TXNRD1: variants seen among roughly 807,000 people sequenced by gnomAD.
TXNRD1 encodes thioredoxin reductase 1, cytoplasmic.
Under a neutral mutation model 80.3 loss-of-function variants are expected in TXNRD1, and 57 were observed. The observed-to-expected ratio is 0.71, with a 90% confidence interval of 0.57 to 0.89. The LOEUF is 0.89. TXNRD1 is among the 40% of genes least tolerant of loss of function. The pLI is 0.00. For synonymous variants in TXNRD1, 291 were observed against 285.2 expected (o/e 1.02, Z -0.20); for missense variants, 730 against 803.0 (o/e 0.91, Z 1.10).
chr12:104,316,320 G>T (rs1258403474), intron 7 of TXNRD1, among the ~76,000 whole-genome samples: 1 of 151,990 alleles, frequency 6.6e-6, no homozygotes, highest in Non-Finnish European at 1.5e-5. Context: ...GGCTTTGTTG[G>T]ATTAAAACTA....
At chr12:104,242,421 G>A (rs1357405737) in intron 1 of TXNRD1, among the ~76,000 whole-genome samples, 7 of 151,874 alleles carry the variant, frequency 4.6e-5, no homozygotes, top group Middle Eastern at 3.4e-3. Context: ...GGTGGCGCAC[G>A]CCTGTAGTCC....
chr12:104,251,627 T>C lies in TXNRD1; in HGVS notation c.192T>C (p.Asp64=), dbSNP rs7975161. Residue 64 remains aspartate (D), a synonymous_variant, in exon 2 of 17, where the codon GAT becomes GAC. Transcript: ENST00000525566. ...GAGCCCTGCTTCAGGCCTATATAGA[T>C]GGTCACTCTGTGGTCATCTTCAGTA... ...DSRALLQAYI[D]GHSVVIFSRS... 1,351,162 of 1,613,594 alleles carry C rather than the reference T, an allele frequency of 0.84. 566,652 individuals carry two copies. The highest frequency in any genetic ancestry group is 0.9 in the East Asian group (40,221 of 44,878).
intron 1 of TXNRD1, among the ~76,000 whole-genome samples, chr12:104,241,017 A>G (rs140996195): frequency 1.3e-5 from 2 of 149,064 alleles, no homozygotes; most frequent in Non-Finnish European, 3.0e-5. Flanking sequence ...TTGGGATTAC[A>G]GGCATGAGTC....
At position 104,315,751 on chromosome 12, in the gene TXNRD1, AAACTGATTTCTC is replaced by A. The variant is rs1212642111; in HGVS notation, c.611-23_611-12del. 1 of 1,604,030 alleles carries A rather than the reference AAACTGATTTCTC, an allele frequency of 6.2e-7. No individual in the cohort carries two copies. On this transcript the variant is annotated splice_polypyrimidine_tract_variant and intron_variant, in intron 6 of 16. Transcript: ENST00000525566. ...TTGTAAGGCTTGGAAAGCAGGTTAT[AAACTGATTTCTC>A]AATGTTGTTGTAGGTCTCGGAGGAA... is the stretch of plus-strand genomic sequence containing the variant.
At chr12:104,319,761 G>A (rs148253980) in intron 9 of TXNRD1, among the ~76,000 whole-genome samples, 176 bp downstream of exon 9, 69 of 152,320 alleles carry the variant, frequency 4.5e-4, no homozygotes, top group African/African-American at 1.4e-3. Context: ...GATTTTAAAG[G>A]AGAACATTTT....
At chr12:104,267,675 TTCTTTCTTTCTTTCTTTCTTTCTTTCTC>T (rs1280649451) in intron 3 of TXNRD1, among the ~76,000 whole-genome samples, 10 of 48,350 alleles carry the variant, frequency 2.1e-4, no homozygotes, top group African/African-American at 2.8e-4. Context: ...CTTTCTTTCT[TTCTTTCTTTCTTTCTTTCTTTCTTTCTC>T]TCTTTCTTTC....
chr12:104,254,659 A>G (rs1330556654), intron 2 of TXNRD1, among the ~76,000 whole-genome samples: 1 of 127,458 alleles, frequency 7.8e-6, no homozygotes, highest in African/African-American at 3.2e-5. Context: ...ATATATATAT[A>G]TATATATCAG....
Position 104,288,962 on chromosome 12 carries a change from G to A in TXNRD1, c.336G>A (p.Ser112=), listed in dbSNP as rs2034078079. 6.2e-7 allele frequency: 1 copy of A among 1,613,932 alleles called. No individual in the cohort carries two copies. The highest frequency in any genetic ancestry group is 8.5e-7 in the Non-Finnish European group (1 of 1,179,906). ...GTCGGGCCCTGGAAGGAACGCTCTC[G>A]GAATTGGCCGCGGAAACCGATCTGC... The part of the protein sequence containing the change: ...EDGRALEGTL[S]ELAAETDLPV... The change falls in exon 4 of 17, where the codon TCG becomes TCA. Residue 112 remains serine (S), a synonymous_variant. Coordinates refer to ENST00000525566, the MANE Select transcript of TXNRD1 (RefSeq NM_001093771.3).
chr12:104,298,293 A>C (rs34621285), intron 4 of TXNRD1, among the ~76,000 whole-genome samples: 51,123 of 152,050 alleles, frequency 0.34, 8,841 homozygotes, highest in African/African-American at 0.4. Flanking sequence ...TACCCTTCAA[A>C]GTGTTACTGT....
chr12:104,258,053 AT>A lies in TXNRD1; in HGVS notation c.282del (p.Phe94LeufsTer32). 3.2e-6 allele frequency: 5 copies of A among 1,553,654 alleles called. No individual in the cohort carries two copies. The highest frequency in any genetic ancestry group is 4.4e-6 in the Non-Finnish European group (5 of 1,147,844). ...TTATTTAAATCTCTGTGTGTTCCTT[AT>A]TTTGTGCTTGAACTTGATCAAACAG... ...KKLFKSLCVP[Y>X]FVLELDQTED... On this transcript the variant is annotated frameshift_variant, in exon 3 of 17. Transcript: ENST00000525566. LOFTEE classifies it high-confidence loss of function.
At chr12:104,325,514 T>A (rs754295233) in intron 11 of TXNRD1, 85 bp downstream of exon 11, 1 of 943,520 alleles carries the variant, frequency 1.1e-6, no homozygotes, top group East Asian at 2.6e-5. Context: ...AAATGGCTCT[T>A]AGTGATTTCC....
intron 1 of TXNRD1, among the ~76,000 whole-genome samples, chr12:104,243,232 A>G (rs2032912316): frequency 6.6e-6 from 1 of 152,230 alleles, no homozygotes; most frequent in African/African-American, 2.4e-5. Flanking sequence ...TTTCAACACT[A>G]GAAATTCATT....
intron 1 of TXNRD1, among the ~76,000 whole-genome samples, chr12:104,234,634 C>T (rs2032694333): frequency 2.3e-5 from 1 of 43,020 alleles, no homozygotes. Context: ...ATTTTAAAGT[C>T]AGGGAAAAAA....
At chr12:104,250,098 C>T (rs2033087336) in intron 1 of TXNRD1, among the ~76,000 whole-genome samples, 1 of 152,080 alleles carries the variant, frequency 6.6e-6, no homozygotes, top group Non-Finnish European at 1.5e-5. Context: ...AGCATGGGCG[C>T]TACCTTTACA....
intron 1 of TXNRD1, among the ~76,000 whole-genome samples, chr12:104,232,715 G>A (rs2032652228): frequency 6.6e-6 from 1 of 152,140 alleles, no homozygotes; most frequent in African/African-American, 2.4e-5. Context: ...TTTAGTCAAA[G>A]CCTTGATCTT....
intron 2 of TXNRD1, among the ~76,000 whole-genome samples, chr12:104,254,644 A>AAAAAAAAAAATATATATATAT: frequency 7.5e-5 from 7 of 93,626 alleles, no homozygotes; most frequent in Admixed American, 2.6e-4. Context: ...AAAAAAAAAA[A>AAAAAAAAAAATATATATATAT]ATATATATAT....
At chr12:104,330,230 C>T (rs958856667) in intron 13 of TXNRD1, among the ~76,000 whole-genome samples, 4 of 152,156 alleles carry the variant, frequency 2.6e-5, no homozygotes, top group Non-Finnish European at 4.4e-5. Flanking sequence ...ATTTTAAATG[C>T]AGAATGTTAC....
chr12:104,232,828 C>T (rs1187576807), intron 1 of TXNRD1, among the ~76,000 whole-genome samples: 2 of 152,128 alleles, frequency 1.3e-5, no homozygotes, highest in Admixed American at 1.3e-4. Flanking sequence ...TTCTAAGAAG[C>T]CTGATTGTCA....
At chr12:104,278,705 G>A (rs12307313) in intron 3 of TXNRD1, among the ~76,000 whole-genome samples, 12,225 of 139,166 alleles carry the variant, frequency 0.088, 719 homozygotes, top group African/African-American at 0.19. Flanking sequence ...GTTTCACCAC[G>A]TTGGCCAGGC....
Sources: gnomAD v4.1 joint callset for allele counts (sites outside exome capture counted in the v4.1 genomes callset) on GRCh38, gnomAD v4.1.1 for gene constraint, MANE v1.5 for transcripts, NCBI Gene and HGNC (gene_info 2026-07-23, HGNC 2026-07-21) for gene names.